TEX2: variants seen among roughly 807,000 people sequenced by gnomAD.
TEX2 encodes the protein testis expressed 2, also known as testis-expressed protein 2.
In TEX2, 53 loss-of-function variants were observed where a neutral mutation model predicts 106.9. The ratio of observed to expected loss-of-function variants is 0.50; its 90% CI spans 0.40 to 0.62. The LOEUF (loss-of-function observed/expected upper bound fraction) is 0.62, where lower values mean the gene tolerates loss of function less well. Ranked by LOEUF, TEX2 falls within the 20% of genes least tolerant of loss-of-function variation. TEX2 has a pLI of 0.00. For missense variants in TEX2, 1,207 were observed against 1,379.0 expected (o/e 0.88, Z 1.98); for synonymous variants, 523 against 534.8 (o/e 0.98, Z 0.30).
At chr17:64,204,337 C>G (rs1555630517) in intron 2 of TEX2, among the ~76,000 whole-genome samples, 1 of 152,208 alleles carries the variant, frequency 6.6e-6, no homozygotes, top group Non-Finnish European at 1.5e-5. Flanking sequence ...CAGCTTTGTA[C>G]TATCTTCAGC....
Position 64,212,855 on chromosome 17 carries a change from C to T in TEX2, c.1363G>A (p.Val455Ile). The stretch of plus-strand genomic sequence containing the variant: ...TCCACCTCGTCCTCACTGTCAAGGA[C>T]CACACCATCTTCCGCGAGCACCTCT... The part of the protein sequence containing the change: ...KPEVLAEDGV[V>I]LDSEDEVDSA... Residue 455 changes from valine to isoleucine, a missense_variant, in exon 2 of 12, where the codon GTC (valine) becomes ATC (isoleucine). This residue lies in a region of TEX2 where 1,067 missense variants were observed against 1,193.6 expected (regional missense o/e 0.89). Coordinates refer to ENST00000584379, the MANE Select transcript of TEX2 (RefSeq NM_001288732.2). The T allele has an allele frequency of 6.2e-7, 1 of 1,614,132 alleles. No individual in the cohort carries two copies. Among genetic ancestry groups the T allele is most frequent in the South Asian group, 1.1e-5 (1 of 91,086 alleles).
intron 2 of TEX2, among the ~76,000 whole-genome samples, chr17:64,204,213 T>A (rs2032759498): frequency 6.6e-6 from 1 of 152,248 alleles, no homozygotes; most frequent in Admixed American, 6.5e-5. Flanking sequence ...ACTTTACTTA[T>A]AATTTATACA....
chr17:64,244,140 T>C (rs1159211182), intron 1 of TEX2, among the ~76,000 whole-genome samples: 1 of 152,182 alleles, frequency 6.6e-6, no homozygotes, highest in Non-Finnish European at 1.5e-5. Flanking sequence ...GGCAGAACTT[T>C]AGCCTTTGGA....
At chr17:64,197,481 G>C (rs1407450007) in intron 2 of TEX2, among the ~76,000 whole-genome samples, 1 of 152,062 alleles carries the variant, frequency 6.6e-6, no homozygotes, top group Admixed American at 6.6e-5. Flanking sequence ...TTTCAGTCCT[G>C]ACACTGGTAA....
At chr17:64,165,283 ATG>A (rs904258230) in intron 7 of TEX2, among the ~76,000 whole-genome samples, 94 of 152,258 alleles carry the variant, frequency 6.2e-4, no homozygotes, top group African/African-American at 2.0e-3. Flanking sequence ...TTGTGTGTGG[ATG>A]TGTCTTTGAT....
At chr17:64,155,151 C>G in intron 8 of TEX2, 184 bp from the exon 9 acceptor site, 1 of 647,630 alleles carries the variant, frequency 1.5e-6, no homozygotes, top group Non-Finnish European at 2.3e-6. Context: ...ATCCTTGGAT[C>G]AGCGCAGATG....
chr17:64,220,788 T>C (rs1238222223), intron 1 of TEX2, among the ~76,000 whole-genome samples: 1 of 152,166 alleles, frequency 6.6e-6, no homozygotes, highest in Non-Finnish European at 1.5e-5. Context: ...TGGAAGACAG[T>C]GTGGCAATTC....
chr17:64,182,909 GTT>G (rs200260065), intron 5 of TEX2, among the ~76,000 whole-genome samples: 8 of 144,068 alleles, frequency 5.6e-5, no homozygotes, highest in African/African-American at 1.0e-4. Context: ...CTTTTGTTGT[GTT>G]TTTTTTTTTT....
At position 64,186,789 on chromosome 17, in the gene TEX2, G is replaced by A. The variant is rs563576407; in HGVS notation, c.2424+1379C>T. Among the ~76,000 whole-genome samples the A allele has an allele frequency of 2.0e-4, 30 of 152,154 alleles. No homozygotes were observed. The South Asian group carries it at 4.1e-3, about 21-fold the overall frequency. On this transcript the variant is annotated intron_variant, in intron 5 of 11. Transcript: ENST00000584379. ...TGCAATGAGCCATGTTCACGACACT[G>A]CACTCCAGCCTGGGTGACACTGCGA... is the stretch of plus-strand genomic sequence containing the variant.
chr17:64,155,751 G>A (rs1371387029), intron 8 of TEX2: 1 of 152,240 alleles, frequency 6.6e-6, no homozygotes, highest in Non-Finnish European at 1.5e-5. Context: ...CTCAGTTCCA[G>A]AGGTGTGGGG....
At chr17:64,255,509 A>AT (rs1250937568) in intron 1 of TEX2, among the ~76,000 whole-genome samples, 1 of 152,256 alleles carries the variant, frequency 6.6e-6, no homozygotes, top group Non-Finnish European at 1.5e-5. Context: ...AATTATCAAA[A>AT]TTGAGTAATA....
At chr17:64,255,568 A>T (rs577719933) in intron 1 of TEX2, 3 of 152,372 alleles carry the variant, frequency 2.0e-5, no homozygotes, top group African/African-American at 7.2e-5. Context: ...TATGTTTTTT[A>T]AAATTCCAGA....
At chr17:64,239,114 G>A (rs1336460566) in intron 1 of TEX2, 1 of 152,114 alleles carries the variant, frequency 6.6e-6, no homozygotes, top group Non-Finnish European at 1.5e-5. Context: ...CTACTAATAA[G>A]GGCTGAAACA....
intron 6 of TEX2, among the ~76,000 whole-genome samples, chr17:64,171,839 G>A (rs974877787): frequency 6.6e-5 from 10 of 152,082 alleles, no homozygotes; most frequent in Non-Finnish European, 1.0e-4. Flanking sequence ...AATCCACCAG[G>A]CAAGGTGGCA....
At chr17:64,243,843 C>T (rs978894095) in intron 1 of TEX2, among the ~76,000 whole-genome samples, 3 of 146,374 alleles carry the variant, frequency 2.0e-5, no homozygotes, top group Admixed American at 6.9e-5. Flanking sequence ...GAGTCTCACT[C>T]TGCTGCCCAG....
intron 1 of TEX2, among the ~76,000 whole-genome samples, chr17:64,221,487 C>T (rs782353966): frequency 6.6e-5 from 10 of 152,014 alleles, no homozygotes; most frequent in East Asian, 1.9e-4. Context: ...CAATTAAAAC[C>T]GCAATGAGAT....
chr17:64,220,583 CA>C (rs527280292), intron 1 of TEX2, among the ~76,000 whole-genome samples: 3 of 52,262 alleles, frequency 5.7e-5, no homozygotes, highest in African/African-American at 1.1e-4. Context: ...ATTTATGCAG[CA>C]AAAAAAATAT....
intron 1 of TEX2, among the ~76,000 whole-genome samples, chr17:64,228,991 A>G (rs2033590064): frequency 6.6e-6 from 1 of 151,610 alleles, no homozygotes; most frequent in Non-Finnish European, 1.5e-5. Context: ...ACAGTAAGGT[A>G]TGCCACTATT....
chr17:64,196,982 A>ATTTTTTTC (rs2032492088), intron 2 of TEX2, among the ~76,000 whole-genome samples: 1 of 63,574 alleles, frequency 1.6e-5, no homozygotes, highest in East Asian at 6.4e-4. Flanking sequence ...TCAAATCAAG[A>ATTTTTTTC]TTTTTTTTTT....
Sources: gnomAD v4.1 joint callset for allele counts (sites outside exome capture counted in the v4.1 genomes callset) on GRCh38, gnomAD v4.1.1 for gene constraint, gnomAD v4.1.1 regional missense constraint, MANE v1.5 for transcripts, NCBI Gene and HGNC (gene_info 2026-07-23, HGNC 2026-07-21) for gene names.